Variants in DSTN observed in about 807,000 individuals in gnomAD.
DSTN encodes the protein destrin, actin depolymerizing factor.
In DSTN, 10 loss-of-function variants were observed where a neutral mutation model predicts 16.8. The ratio of observed to expected loss-of-function variants is 0.60; its 90% confidence interval spans 0.37 to 1.01. The LOEUF is 1.01. Ranked by LOEUF, DSTN falls within the 50% of genes least tolerant of loss-of-function variation. DSTN has a pLI of 0.01. For synonymous variants in DSTN, 57 were observed against 58.9 expected (o/e 0.97, Z 0.14); for missense variants, 141 against 196.7 (o/e 0.72, Z 1.69).
chr20:17,577,280 A>G (rs922321594), intron 1 of DSTN, among the ~76,000 whole-genome samples: 10 of 152,244 alleles, frequency 6.6e-5, no homozygotes, highest in Non-Finnish European at 1.2e-4. Context: ...AATACAGGTA[A>G]GGCTTCTCCA....
chr20:17,591,604 C>T (rs1388142565), intron 1 of DSTN, among the ~76,000 whole-genome samples: 2 of 152,172 alleles, frequency 1.3e-5, no homozygotes, highest in African/African-American at 2.4e-5. Context: ...GTGATCATCA[C>T]CTGAAGCTTA....
Position 17,607,612 on chromosome 20 carries a change from CTAATAG to C in DSTN, c.*470_*475del, listed in dbSNP as rs1453661721. On this transcript the variant is annotated 3_prime_UTR_variant, in exon 4 of 4. Transcript: ENST00000246069. Reference sequence around the variant, plus strand: ...TTCATAATATAACAACACTAATACACTAATAGTAAGATTAAGTTAGGCAGTCTTCTA... The same window carrying C: ...TTCATAATATAACAACACTAATACACTAAGATTAAGTTAGGCAGTCTTCTA... The C allele has an allele frequency of 6.5e-6, 1 of 152,796 alleles. No homozygotes were observed. Among genetic ancestry groups the C allele is most frequent in the African/African-American group, 2.4e-5 (1 of 41,422 alleles). 9.5% of individuals were successfully genotyped at this position (152,796 alleles called of 1,614,324 possible).
chr20:17,570,351 C>A, intron 1 of DSTN, 140 bp downstream of exon 1: 1 of 1,208,308 alleles, frequency 8.3e-7, no homozygotes, highest in Non-Finnish European at 1.1e-6. Context: ...GTCCGGGCTG[C>A]GGGTGAGGGG....
chr20:17,570,232 G>A, intron 1 of DSTN, 21 bp downstream of exon 1: 1 of 1,501,132 alleles, frequency 6.7e-7, no homozygotes, highest in Non-Finnish European at 8.9e-7. Flanking sequence ...GGGAGGCCGA[G>A]GCGTGGGCCG....
intron 1 of DSTN, chr20:17,576,411 G>C (rs1307347862): frequency 6.2e-6 from 1 of 161,370 alleles, no homozygotes; most frequent in Non-Finnish European, 1.5e-5. Flanking sequence ...ATGGAGTGGT[G>C]AGGGAGGAAG....
At chr20:17,594,343 A>G (rs145901994) in intron 1 of DSTN, among the ~76,000 whole-genome samples, 195 of 152,208 alleles carry the variant, frequency 1.3e-3, no homozygotes, top group African/African-American at 4.6e-3. Context: ...AGGGTTGGGC[A>G]GCCTTCTCCT....
intron 1 of DSTN, among the ~76,000 whole-genome samples, chr20:17,572,476 C>T (rs2035218262): frequency 6.6e-6 from 1 of 152,208 alleles, no homozygotes; most frequent in Non-Finnish European, 1.5e-5. Context: ...CCTAGCTCCT[C>T]TTGTAACCAG....
At chr20:17,596,574 A>C (rs2035528937) in intron 1 of DSTN, 35 of 972,612 alleles carry the variant, frequency 3.6e-5, no homozygotes, top group Non-Finnish European at 4.2e-5. Flanking sequence ...TTCTGTTTTT[A>C]ACCTCACTGC....
At chr20:17,578,604 GAATTTCA>G in intron 1 of DSTN, among the ~76,000 whole-genome samples, 1 of 152,120 alleles carries the variant, frequency 6.6e-6, no homozygotes, top group East Asian at 1.9e-4. Context: ...TGAAACCGTG[GAATTTCA>G]TGCTCATTGA....
At chr20:17,591,273 A>C (rs1402871477) in intron 1 of DSTN, among the ~76,000 whole-genome samples, 2 of 152,136 alleles carry the variant, frequency 1.3e-5, no homozygotes, top group East Asian at 3.8e-4. Context: ...TGTGATAACA[A>C]ATCATCCAAA....
intron 1 of DSTN, among the ~76,000 whole-genome samples, chr20:17,591,025 T>C (rs2035463284): frequency 1.3e-5 from 2 of 152,314 alleles, no homozygotes; most frequent in East Asian, 1.9e-4. Flanking sequence ...AGAGGATCGC[T>C]TGAGCCCGGG....
chr20:17,603,027 TAAAAAA>T (rs2035603822), intron 2 of DSTN, among the ~76,000 whole-genome samples: 1 of 151,908 alleles, frequency 6.6e-6, no homozygotes, highest in African/African-American at 2.4e-5. Context: ...CTCAAAAAAA[TAAAAAA>T]TAAAAAGTAC....
At chr20:17,603,412 A>G (rs1173968835) in intron 2 of DSTN, among the ~76,000 whole-genome samples, 1 of 151,790 alleles carries the variant, frequency 6.6e-6, no homozygotes, top group African/African-American at 2.4e-5. Context: ...TAACATTGAG[A>G]AAAAAAAATA....
chr20:17,587,635 C>CT (rs910752196), intron 1 of DSTN, among the ~76,000 whole-genome samples: 18 of 149,424 alleles, frequency 1.2e-4, no homozygotes, highest in Non-Finnish European at 1.8e-4. Context: ...AGGCATTATT[C>CT]TTTTTTTTTT....
intron 1 of DSTN, among the ~76,000 whole-genome samples, chr20:17,576,916 A>G (rs1193649773): frequency 6.6e-6 from 1 of 152,236 alleles, no homozygotes; most frequent in East Asian, 1.9e-4. Context: ...ATTTTCATGT[A>G]CAGGTGGAGC....
rs73599757 is a variant in DSTN, at chr20:17,589,249, C to T, written c.4-11489C>T. ...TTTTTTTGAGGCAGTCTTGCTGTGTCGCCCAGGCTGGAGTGCAGTGGTGTG... is the reference window on the plus strand; with the variant it reads ...TTTTTTTGAGGCAGTCTTGCTGTGTTGCCCAGGCTGGAGTGCAGTGGTGTG... On this transcript the variant is annotated intron_variant, in intron 1 of 3. Transcript: ENST00000246069. Among the ~76,000 whole-genome samples, 99 of 151,320 alleles carry T rather than the reference C, an allele frequency of 6.5e-4. 1 individual carries two copies. In the East Asian group the frequency reaches 9.5e-3, roughly 15 times the overall value.
intron 2 of DSTN, among the ~76,000 whole-genome samples, chr20:17,601,259 G>T (rs971784898): frequency 3.7e-5 from 5 of 135,274 alleles, no homozygotes; most frequent in Admixed American, 1.5e-4. Context: ...GTGACTCTCC[G>T]TTTTTGTTTT....
Position 17,584,350 on chromosome 20 carries a change from TA to T in DSTN, c.3+14146del, listed in dbSNP as rs202066726. Among the ~76,000 whole-genome samples the T allele has an allele frequency of 2.6e-5, 4 of 152,002 alleles. No individual in the cohort carries two copies. In the East Asian group the frequency reaches 7.7e-4, roughly 29 times the overall value. On this transcript the variant is annotated intron_variant, in intron 1 of 3. Coordinates refer to ENST00000246069, the MANE Select transcript of DSTN (RefSeq NM_006870.4). ...CAAAAAGGTGTGTGTATTTCTAATA[TA>T]AAAAAATATGCTTACCTGCAGGGCA...
intron 3 of DSTN, 50 bp from the exon 4 acceptor site, chr20:17,606,987 G>GTTTA: frequency 6.3e-7 from 1 of 1,587,416 alleles, no homozygotes; most frequent in Non-Finnish European, 8.6e-7. Flanking sequence ...TAGAGAAAGA[G>GTTTA]GTAAACTGCT....
Sources: allele counts gnomAD v4.1 joint callset (sites outside exome capture counted in the v4.1 genomes callset), GRCh38; gene constraint gnomAD v4.1.1; transcripts MANE v1.5; gene names NCBI Gene and HGNC (gene_info 2026-07-23, HGNC 2026-07-21).